Variants in NALF1 observed in about 807,000 individuals in gnomAD.
NALF1 encodes the protein NALCN channel auxiliary factor 1, also known as family with sequence similarity 155 member A.
NALF1 carries 3 observed loss-of-function variants against 48.4 expected under a neutral mutation model. The ratio of observed to expected loss-of-function variants is 0.06; its 90% confidence interval spans 0.03 to 0.16. NALF1 has a LOEUF of 0.16. NALF1 is among the 10% of genes least tolerant of loss of function. The probability of loss-of-function intolerance (pLI) is 1.00; values close to 1 mark genes in which losing one functional copy is unlikely to be tolerated. For missense variants in NALF1, 526 were observed against 571.5 expected (o/e 0.92, Z 0.81); for synonymous variants, 262 against 245.7 (o/e 1.07, Z -0.62).
intron 1 of NALF1, among the ~76,000 whole-genome samples, chr13:107,221,475 G>A (rs1199947802): frequency 6.6e-6 from 1 of 152,146 alleles, no homozygotes; most frequent in Non-Finnish European, 1.5e-5. Context: ...AGCTACTTGG[G>A]AGGCTGAGGC....
chr13:107,367,754 A>T (rs1327700170), intron 1 of NALF1, among the ~76,000 whole-genome samples: 2 of 152,206 alleles, frequency 1.3e-5, no homozygotes, highest in African/African-American at 4.8e-5. Context: ...CAAAGAGGGT[A>T]AAGATCATTA....
At position 107,558,074 on chromosome 13, in the gene NALF1, G is replaced by A. The variant is rs75542025; in HGVS notation, c.915+307608C>T. 1.7e-4 allele frequency among the ~76,000 whole-genome samples: 26 copies of A among 151,330 alleles called. No homozygotes were observed. In the East Asian group the frequency reaches 4.9e-3, roughly 28 times the overall value. Reference sequence around the variant, plus strand: ...CAAGCTGCGTCCCTGTTGTCTACACGCAGGTCACTGGCCTAATGATTCTGA... The same window carrying A: ...CAAGCTGCGTCCCTGTTGTCTACACACAGGTCACTGGCCTAATGATTCTGA... On this transcript the variant is annotated intron_variant, in intron 1 of 2. Transcript: ENST00000375915.
chr13:107,275,959 C>T (rs1881272026), intron 1 of NALF1, among the ~76,000 whole-genome samples: 1 of 152,110 alleles, frequency 6.6e-6, no homozygotes, highest in Non-Finnish European at 1.5e-5. Context: ...CCTCAGGTCC[C>T]TGAGAGCTGC....
intron 1 of NALF1, among the ~76,000 whole-genome samples, chr13:107,227,929 C>A (rs1365970341): frequency 6.6e-6 from 1 of 152,108 alleles, no homozygotes; most frequent in African/African-American, 2.4e-5. Context: ...CGGCAAAGAG[C>A]AATATTTCAA....
At chr13:107,195,125 A>C (rs1879363561) in intron 2 of NALF1, among the ~76,000 whole-genome samples, 1 of 152,242 alleles carries the variant, frequency 6.6e-6, no homozygotes, top group Non-Finnish European at 1.5e-5. Context: ...TTGGGAATGT[A>C]AATTAGTACA....
intron 1 of NALF1, among the ~76,000 whole-genome samples, chr13:107,695,584 A>G (rs983722654): frequency 1.2e-4 from 18 of 152,340 alleles, no homozygotes; most frequent in African/African-American, 4.3e-4. Context: ...CAAAATGATT[A>G]ATTAATTTAA....
At chr13:107,181,635 T>C (rs1879065100) in intron 2 of NALF1, among the ~76,000 whole-genome samples, 1 of 150,534 alleles carries the variant, frequency 6.6e-6, no homozygotes, top group South Asian at 2.1e-4. Context: ...TTGCAAATGT[T>C]AGTATTGGAT....
At chr13:107,778,121 G>GA (rs923618769) in intron 1 of NALF1, among the ~76,000 whole-genome samples, 2 of 152,314 alleles carry the variant, frequency 1.3e-5, no homozygotes, top group Admixed American at 6.5e-5. Context: ...AATAACGTGT[G>GA]AAAACACCCA....
chr13:107,615,823 C>T (rs1555636), intron 1 of NALF1, among the ~76,000 whole-genome samples: 23,995 of 152,160 alleles, frequency 0.16, 2,522 homozygotes, highest in South Asian at 0.26. Flanking sequence ...CTTCATCGAG[C>T]AGCAATATGG....
At chr13:107,840,660 G>A (rs189548987) in intron 1 of NALF1, among the ~76,000 whole-genome samples, 1 of 152,212 alleles carries the variant, frequency 6.6e-6, no homozygotes. Flanking sequence ...TCTATTCCTC[G>A]ACAGTGAAGA....
chr13:107,226,073 C>G (rs1278338166), intron 1 of NALF1, among the ~76,000 whole-genome samples: 1 of 152,060 alleles, frequency 6.6e-6, no homozygotes, highest in Admixed American at 6.6e-5. Flanking sequence ...GCATAAAGGT[C>G]GTTTTCTTAA....
chr13:107,228,666 G>A (rs927997205), intron 1 of NALF1, among the ~76,000 whole-genome samples: 12 of 152,088 alleles, frequency 7.9e-5, no homozygotes, highest in Non-Finnish European at 8.8e-5. Context: ...GTTGCCTAGG[G>A]TGGAGTACAA....
chr13:107,307,687 A>T (rs1881964521), intron 1 of NALF1, among the ~76,000 whole-genome samples: 1 of 150,766 alleles, frequency 6.6e-6, no homozygotes, highest in South Asian at 2.1e-4. Flanking sequence ...ATTGAAATGG[A>T]TAACAGAAAA....
chr13:107,808,669 TA>T (rs78364102), intron 1 of NALF1, among the ~76,000 whole-genome samples: 72,327 of 147,368 alleles, frequency 0.49, 17,640 homozygotes, highest in Middle Eastern at 0.59. Context: ...TATACAGATT[TA>T]AAAAAAAAAA....
At chr13:107,623,994 T>G (rs1487191426) in intron 1 of NALF1, among the ~76,000 whole-genome samples, 4 of 152,148 alleles carry the variant, frequency 2.6e-5, no homozygotes, top group Non-Finnish European at 5.9e-5. Context: ...CATCGGTGTA[T>G]TCCAGTTGTC....
At chr13:107,342,084 T>C (rs1333138710) in intron 1 of NALF1, among the ~76,000 whole-genome samples, 1 of 152,168 alleles carries the variant, frequency 6.6e-6, no homozygotes, top group African/African-American at 2.4e-5. Flanking sequence ...TCAAATACTA[T>C]AGATTTTGCC....
intron 1 of NALF1, among the ~76,000 whole-genome samples, chr13:107,583,130 A>G (rs1334756673): frequency 1.3e-5 from 2 of 152,108 alleles, no homozygotes; most frequent in African/African-American, 4.8e-5. Flanking sequence ...TGTCTCTTTT[A>G]GAGAGTCAGA....
At chr13:107,213,729 G>A (rs774029583) in intron 1 of NALF1, among the ~76,000 whole-genome samples, 5 of 152,134 alleles carry the variant, frequency 3.3e-5, no homozygotes, top group African/African-American at 9.7e-5. Context: ...GTAAAAGTTC[G>A]CATGGGAAGT....
intron 1 of NALF1, among the ~76,000 whole-genome samples, chr13:107,270,118 T>G (rs9583161): frequency 6.6e-6 from 1 of 151,542 alleles, no homozygotes; most frequent in Non-Finnish European, 1.5e-5. Context: ...TGATGCAGGA[T>G]TATTTGAAAC....
Sources: allele counts gnomAD v4.1 joint callset (sites outside exome capture counted in the v4.1 genomes callset), GRCh38; gene constraint gnomAD v4.1.1; transcripts MANE v1.5; gene names NCBI Gene and HGNC (gene_info 2026-07-23, HGNC 2026-07-21).